The following ATP6V1H variants were observed in gnomAD, a reference collection of about 807,000 sequenced individuals.
ATP6V1H encodes the protein ATPase H+ transporting V1 subunit H.
In ATP6V1H, 39 loss-of-function variants were observed where a neutral mutation model predicts 71.7. The ratio of observed to expected loss-of-function variants is 0.54; its 90% confidence interval spans 0.42 to 0.71. The LOEUF (loss-of-function observed/expected upper bound fraction) is 0.71. Among genes scored for constraint, ATP6V1H ranks in the 30% least tolerant of loss-of-function variants. ATP6V1H has a pLI of 0.00. For missense variants in ATP6V1H, 509 were observed against 594.9 expected (o/e 0.86, Z 1.50); for synonymous variants, 192 against 199.3 (o/e 0.96, Z 0.31).
intron 12 of ATP6V1H, among the ~76,000 whole-genome samples, chr8:53,751,192 A>T (rs1807782964): frequency 6.6e-6 from 1 of 152,212 alleles, no homozygotes; most frequent in Non-Finnish European, 1.5e-5. Flanking sequence ...AACATGAAAA[A>T]AACAATATGT....
intron 13 of ATP6V1H, among the ~76,000 whole-genome samples, chr8:53,734,507 A>C (rs1171236453): frequency 1.3e-5 from 2 of 152,062 alleles, no homozygotes; most frequent in African/African-American, 4.8e-5. Flanking sequence ...AGTGTAGGTA[A>C]GACTGTGAAC....
intron 11 of ATP6V1H, among the ~76,000 whole-genome samples, chr8:53,761,405 C>T (rs931386802): frequency 3.3e-5 from 5 of 151,180 alleles, no homozygotes; most frequent in Admixed American, 6.6e-5. Context: ...CAGTGTCATA[C>T]AAAGGTAAAG....
intron 13 of ATP6V1H, among the ~76,000 whole-genome samples, 157 bp downstream of exon 13, chr8:53,743,420 G>T (rs1807486517): frequency 6.6e-6 from 1 of 151,596 alleles, no homozygotes; most frequent in African/African-American, 2.4e-5. Flanking sequence ...AAACTAATGT[G>T]TCATTGCTCT....
intron 12 of ATP6V1H, among the ~76,000 whole-genome samples, chr8:53,750,692 T>G (rs940791754): frequency 6.6e-6 from 1 of 152,050 alleles, no homozygotes; most frequent in Non-Finnish European, 1.5e-5. Flanking sequence ...AGGACAAAAC[T>G]GCAAGAGACA....
intron 9 of ATP6V1H, among the ~76,000 whole-genome samples, chr8:53,777,479 C>T (rs1023141809): frequency 6.6e-6 from 1 of 150,858 alleles, no homozygotes; most frequent in Non-Finnish European, 1.5e-5. Flanking sequence ...CTTGAAAGTA[C>T]CGAAAGAAAA....
At chr8:53,820,983 AAAAAAAAAAAAAG>A (rs1183396244) in intron 4 of ATP6V1H, among the ~76,000 whole-genome samples, 2 of 147,516 alleles carry the variant, frequency 1.4e-5, no homozygotes, top group Admixed American at 6.8e-5. Flanking sequence ...CTCTGTCTCA[AAAAAAAAAAAAAG>A]AAAAAGAAAA....
chr8:53,826,473 G>C (rs1258830114), intron 4 of ATP6V1H, among the ~76,000 whole-genome samples: 1 of 152,154 alleles, frequency 6.6e-6, no homozygotes, highest in Non-Finnish European at 1.5e-5. Context: ...GTCAAAAACA[G>C]AACAGGGAGA....
intron 13 of ATP6V1H, among the ~76,000 whole-genome samples, chr8:53,743,375 A>G (rs1486800658): frequency 6.6e-6 from 1 of 152,088 alleles, no homozygotes; most frequent in Non-Finnish European, 1.5e-5. Flanking sequence ...TTGAATATAC[A>G]CTCCTTGAGA....
chr8:53,794,427 G>A (rs778625434), intron 9 of ATP6V1H, among the ~76,000 whole-genome samples: 4 of 151,906 alleles, frequency 2.6e-5, no homozygotes, highest in East Asian at 1.9e-4. Context: ...GTGCAGTGGC[G>A]CGATCTCGGC....
intron 4 of ATP6V1H, among the ~76,000 whole-genome samples, chr8:53,821,116 A>C (rs1810639467): frequency 6.6e-6 from 1 of 151,744 alleles, no homozygotes; most frequent in Non-Finnish European, 1.5e-5. Context: ...CACGCCTGTA[A>C]TTCCAGCACT....
intron 6 of ATP6V1H, among the ~76,000 whole-genome samples, chr8:53,812,320 T>TA (rs889335835): frequency 6.6e-6 from 1 of 152,162 alleles, no homozygotes; most frequent in South Asian, 2.1e-4. Flanking sequence ...CACTCTGTGA[T>TA]AAAAAAGAGT....
At chr8:53,804,363 T>C (rs1341677696) in intron 7 of ATP6V1H, among the ~76,000 whole-genome samples, 1 of 152,190 alleles carries the variant, frequency 6.6e-6, no homozygotes, top group Admixed American at 6.5e-5. Flanking sequence ...AAAAAGGTGA[T>C]ATAATTTGCT....
At chr8:53,737,866 C>G (rs1807276704) in intron 13 of ATP6V1H, among the ~76,000 whole-genome samples, 2 of 152,188 alleles carry the variant, frequency 1.3e-5, no homozygotes, top group African/African-American at 4.8e-5. Context: ...TAGGCTGATA[C>G]TCTTCCTCCT....
intron 2 of ATP6V1H, among the ~76,000 whole-genome samples, chr8:53,836,290 G>C (rs1398431788): frequency 1.3e-5 from 2 of 152,256 alleles, no homozygotes; most frequent in South Asian, 4.1e-4. Flanking sequence ...GTCAAAAGGT[G>C]GTGGTTTTTC....
intron 3 of ATP6V1H, among the ~76,000 whole-genome samples, chr8:53,830,891 T>A (rs958074176): frequency 1.3e-5 from 2 of 152,168 alleles, no homozygotes; most frequent in Non-Finnish European, 2.9e-5. Flanking sequence ...ACATGTTCCA[T>A]TGCACATGCG....
At chr8:53,799,148 T>C (rs1244613877) in intron 8 of ATP6V1H, among the ~76,000 whole-genome samples, 1 of 152,126 alleles carries the variant, frequency 6.6e-6, no homozygotes, top group Non-Finnish European at 1.5e-5. Flanking sequence ...ATAACCCTAA[T>C]TGTAAGATAA....
At chr8:53,793,901 T>C (rs1476084108) in intron 9 of ATP6V1H, among the ~76,000 whole-genome samples, 1 of 152,088 alleles carries the variant, frequency 6.6e-6, no homozygotes, top group Non-Finnish European at 1.5e-5. Flanking sequence ...ATTGCACCAC[T>C]GCACTCCAGC....
At chr8:53,755,681 CGTACAT>C (rs1807989052) in intron 12 of ATP6V1H, among the ~76,000 whole-genome samples, 1 of 63,334 alleles carries the variant, frequency 1.6e-5, no homozygotes, top group Non-Finnish European at 2.9e-5. Flanking sequence ...ATTATACCAG[CGTACAT>C]ATATATATAT....
chr8:53,798,034 TC>T (rs1417257915), intron 8 of ATP6V1H, among the ~76,000 whole-genome samples: 2 of 152,172 alleles, frequency 1.3e-5, no homozygotes, highest in African/African-American at 2.4e-5. Flanking sequence ...CACTTATAGC[TC>T]CAATATTTAG....
Sources: gnomAD v4.1 joint callset for allele counts (sites outside exome capture counted in the v4.1 genomes callset) on GRCh38, gnomAD v4.1.1 for gene constraint, MANE v1.5 for transcripts, NCBI Gene and HGNC (gene_info 2026-07-23, HGNC 2026-07-21) for gene names.